The following PJA2 variants were observed in gnomAD, a reference collection of about 807,000 sequenced individuals.
The protein encoded by PJA2 is E3 ubiquitin-protein ligase Praja-2.
PJA2 carries 25 observed loss-of-function variants against 69.3 expected under a neutral mutation model. The observed-to-expected ratio is 0.36, with a 90% CI of 0.26 to 0.50. The LOEUF (loss-of-function observed/expected upper bound fraction) is 0.50, where lower values mean the gene tolerates loss of function less well. Among genes scored for constraint, PJA2 ranks in the 20% least tolerant of loss-of-function variants. The pLI is 0.96. For synonymous variants in PJA2, 308 were observed against 277.8 expected (o/e 1.11, Z -1.08); for missense variants, 809 against 830.2 (o/e 0.97, Z 0.31).
At chr5:109,345,676 A>G (rs1389991181) in intron 7 of PJA2, among the ~76,000 whole-genome samples, 1 of 152,228 alleles carries the variant, frequency 6.6e-6, no homozygotes, top group Admixed American at 6.5e-5. Flanking sequence ...TTCATGAAAG[A>G]TAAAATGTGG....
At position 109,353,647 on chromosome 5, in the gene PJA2, A is replaced by G. The variant is rs1451174160; in HGVS notation, c.1764+2268T>C. Among the ~76,000 whole-genome samples the G allele has an allele frequency of 4.8e-5, 7 of 146,792 alleles. 1 individual carries two copies. The highest frequency in any genetic ancestry group is 3.4e-4 in the Admixed American group (5 of 14,632). On this transcript the variant is annotated intron_variant, in intron 7 of 9. Coordinates refer to ENST00000361189, the MANE Select transcript of PJA2 (RefSeq NM_014819.5). ...AGATACCTATATCATAGATATCTAT[A>G]TATTAGATACCTATTATATCTACAG...
At chr5:109,409,101 G>A (rs937472342) in intron 1 of PJA2, 1 of 152,080 alleles carries the variant, frequency 6.6e-6, no homozygotes. Flanking sequence ...CTTGGTCTGA[G>A]CGTCTTTAAC....
intron 1 of PJA2, among the ~76,000 whole-genome samples, chr5:109,398,416 C>G (rs187080371): frequency 1.2e-4 from 19 of 152,164 alleles, no homozygotes; most frequent in African/African-American, 4.6e-4. Flanking sequence ...GAAAATGTGG[C>G]ACATATACAC....
At chr5:109,402,871 T>C (rs1318904966) in intron 1 of PJA2, among the ~76,000 whole-genome samples, 1 of 151,812 alleles carries the variant, frequency 6.6e-6, no homozygotes, top group African/African-American at 2.4e-5. Context: ...GGAAGTGACA[T>C]AAGAACTTTA....
chr5:109,361,397 T>C (rs1243118995), intron 6 of PJA2, among the ~76,000 whole-genome samples: 1 of 152,186 alleles, frequency 6.6e-6, no homozygotes, highest in Non-Finnish European at 1.5e-5. Flanking sequence ...GGAAGGAGCA[T>C]CTTCACAATG....
chr5:109,409,751 A>C (rs2127023049), intron 1 of PJA2, 91 bp downstream of exon 1: 1 of 153,942 alleles, frequency 6.5e-6, no homozygotes, highest in Admixed American at 6.6e-5. Flanking sequence ...AGAGAAACTG[A>C]GGAGCTGAAC....
intron 9 of PJA2, among the ~76,000 whole-genome samples, chr5:109,343,530 C>G (rs1329567423): frequency 6.6e-6 from 1 of 151,988 alleles, no homozygotes; most frequent in Non-Finnish European, 1.5e-5. Context: ...GTGCCAAAGG[C>G]TTCTCTGCTT....
At chr5:109,382,193 T>A (rs1161129420) in intron 2 of PJA2, among the ~76,000 whole-genome samples, 1 of 152,176 alleles carries the variant, frequency 6.6e-6, no homozygotes, top group Non-Finnish European at 1.5e-5. Flanking sequence ...TTAAATGGTA[T>A]CTGTACCATG....
At chr5:109,375,017 G>C (rs1409410699) in intron 4 of PJA2, among the ~76,000 whole-genome samples, 1 of 152,116 alleles carries the variant, frequency 6.6e-6, no homozygotes, top group South Asian at 2.1e-4. Flanking sequence ...TAATAAGGTG[G>C]TGCTCAGTAC....
In PJA2 at chr5:109,379,079, T is replaced by C. The variant is rs1169874963; in HGVS notation, c.408A>G (p.Thr136=). 3 of 1,614,026 alleles carry C rather than the reference T, an allele frequency of 1.9e-6. No homozygotes were observed. The African/African-American group carries it at 4.0e-5, about 22-fold the overall frequency. The part of the protein sequence containing the change: ...EEGRDTLGSS[T]NLHNHSEGEY... Reference sequence around the variant, plus strand: ...CTCCCTCAGAGTGATTATGAAGATTTGTACTGCTTCCTAAGGTATCCCTGC... The same window carrying C: ...CTCCCTCAGAGTGATTATGAAGATTCGTACTGCTTCCTAAGGTATCCCTGC... Residue 136 remains threonine, a synonymous_variant, in exon 4 of 10, where the codon ACA becomes ACG. Coordinates refer to ENST00000361189, the MANE Select transcript of PJA2 (RefSeq NM_014819.5).
intron 4 of PJA2, among the ~76,000 whole-genome samples, chr5:109,371,297 CATT>C (rs1762671217): frequency 6.6e-6 from 1 of 152,142 alleles, no homozygotes; most frequent in Non-Finnish European, 1.5e-5. Flanking sequence ...ACCCTCTAAG[CATT>C]TTAAGATTTT....
At chr5:109,352,920 TATC>T (rs1225255753) in intron 7 of PJA2, among the ~76,000 whole-genome samples, 3 of 143,248 alleles carry the variant, frequency 2.1e-5, no homozygotes, top group Non-Finnish European at 4.6e-5. Context: ...ATACCTATAA[TATC>T]ATAGACATCT....
chr5:109,379,061 A>C lies in PJA2; in HGVS notation c.426T>G (p.Ser142=), dbSNP rs376989185. The change falls in exon 4 of 10, where the codon TCT becomes TCG. Residue 142 remains serine, a synonymous_variant. Coordinates refer to ENST00000361189, the MANE Select transcript of PJA2 (RefSeq NM_014819.5). The part of the protein sequence containing the change: ...LGSSTNLHNH[S]EGEYIPGACS... ...AAGCTCCTGGAATATACTCTCCCTCAGAGTGATTATGAAGATTTGTACTGC... is the reference window on the plus strand; with the variant it reads ...AAGCTCCTGGAATATACTCTCCCTCCGAGTGATTATGAAGATTTGTACTGC... 1 of 1,613,972 alleles carries C rather than the reference A, an allele frequency of 6.2e-7. No homozygotes were observed. The highest frequency in any genetic ancestry group is 1.3e-5 in the African/African-American group (1 of 74,920).
intron 6 of PJA2, among the ~76,000 whole-genome samples, chr5:109,360,666 TTAAAA>T (rs370791908): frequency 1.1e-3 from 169 of 152,334 alleles, no homozygotes; most frequent in African/African-American, 3.9e-3. Context: ...AATTTGTGTC[TTAAAA>T]TTAATGCTAA....
At position 109,383,419 on chromosome 5, in the gene PJA2, A is replaced by G. The variant is rs781232038; in HGVS notation, c.15T>C (p.Thr5=). Residue 5 remains threonine (T), a synonymous_variant, in exon 2 of 10, where the codon ACT becomes ACC. Transcript: ENST00000361189. MSQY[T]EKEPAAMDQE... ...TTTCCTTACCTGCTGGCTCCTTTTC[A>G]GTGTACTGTGACATATATGGCAGCG... 13 of 1,613,166 alleles carry G rather than the reference A, an allele frequency of 8.1e-6. No individual in the cohort carries two copies. Among genetic ancestry groups the G allele is most frequent in the African/African-American group, 4.0e-5 (3 of 74,922 alleles).
chr5:109,350,302 C>A (rs1252601490), intron 7 of PJA2, among the ~76,000 whole-genome samples: 5 of 150,524 alleles, frequency 3.3e-5, no homozygotes, highest in African/African-American at 1.2e-4. Context: ...AAAAAAAAAA[C>A]TATCTATACC....
intron 9 of PJA2, among the ~76,000 whole-genome samples, chr5:109,338,230 T>A (rs996471846): frequency 2.3e-4 from 35 of 152,156 alleles, no homozygotes; most frequent in Non-Finnish European, 4.6e-4. Context: ...CAGGAAAGGC[T>A]TCACACTAAG....
chr5:109,353,259 T>C (rs922075773), intron 7 of PJA2, among the ~76,000 whole-genome samples: 4 of 141,714 alleles, frequency 2.8e-5, no homozygotes, highest in Admixed American at 2.2e-4. Context: ...GATATCTATA[T>C]ATTAGATACC....
intron 4 of PJA2, among the ~76,000 whole-genome samples, chr5:109,371,063 T>C (rs575710237): frequency 1.3e-5 from 2 of 152,284 alleles, no homozygotes; most frequent in South Asian, 2.1e-4. Context: ...TTTTTAATGG[T>C]GTGTGAGCTA....
Sources: gnomAD v4.1 joint callset for allele counts (sites outside exome capture counted in the v4.1 genomes callset) on GRCh38, gnomAD v4.1.1 for gene constraint, MANE v1.5 for transcripts, NCBI Gene and HGNC (gene_info 2026-07-23, HGNC 2026-07-21) for gene names.